SAFB2: variants seen among roughly 807,000 people sequenced by gnomAD.
SAFB2 encodes scaffold attachment factor B2.
SAFB2 carries 32 observed loss-of-function variants against 100.6 expected under a neutral mutation model. That is an observed-to-expected ratio of 0.32 (90% CI 0.24 to 0.43). The LOEUF (loss-of-function observed/expected upper bound fraction) is 0.43. SAFB2 is among the 20% of genes least tolerant of loss of function. The pLI, the probability that SAFB2 is intolerant of heterozygous loss-of-function variation, is 1.00. For missense variants in SAFB2, 1,185 were observed against 1,163.4 expected (o/e 1.02, Z -0.27); for synonymous variants, 500 against 439.4 (o/e 1.14, Z -1.72).
intron 16 of SAFB2, 55 bp downstream of exon 16, chr19:5,592,692 G>A (rs1043094351): frequency 1.9e-6 from 3 of 1,603,716 alleles, no homozygotes; most frequent in Non-Finnish European, 2.6e-6. Flanking sequence ...GAGGTCAGCT[G>A]GATGCCCCGG....
In SAFB2 at chr19:5,600,146, A is replaced by G. The variant is rs1305117704; in HGVS notation, c.1674T>C (p.Ser558=). ...TCTCCTCACCTGATTTGGTGACTCT[A>G]GACCGATTTGTAGGTCCGGGTTTCA... ...DELKPGPTNR[S]RVTKSGSRGM... Residue 558 remains serine, a synonymous_variant, in exon 12 of 21, where the codon TCT becomes TCC. Transcript: ENST00000252542. 1 of 1,614,032 alleles carries G rather than the reference A, an allele frequency of 6.2e-7. No individual in the cohort carries two copies. The highest frequency in any genetic ancestry group is 1.1e-5 in the South Asian group (1 of 91,060).
chr19:5,607,582 CAAG>C (rs1434618983), intron 9 of SAFB2, among the ~76,000 whole-genome samples: 2 of 152,150 alleles, frequency 1.3e-5, no homozygotes, highest in Non-Finnish European at 2.9e-5. Flanking sequence ...ACTCGACCCA[CAAG>C]AAGGCAGATA....
chr19:5,587,653 G>A lies in SAFB2; in HGVS notation c.2705+48C>T. The A allele has an allele frequency of 3.3e-6, 5 of 1,505,442 alleles. No homozygotes were observed. In the South Asian group the frequency reaches 6.3e-5, roughly 19 times the overall value. The allele number at this position is 1,505,442 out of a possible 1,614,324, so 93.3% of individuals were successfully genotyped here. A position where few individuals can be genotyped will look rare whatever the true frequency, so the allele number is the denominator to read the frequency against. ...CAAACATGCAAAAAAGGGAGAGGAAGTGAGGAGCAGGAGTGAACCACCGTC... is the reference window on the plus strand; with the variant it reads ...CAAACATGCAAAAAAGGGAGAGGAAATGAGGAGCAGGAGTGAACCACCGTC... On this transcript the variant is annotated intron_variant, in intron 20 of 20. Coordinates refer to ENST00000252542, the MANE Select transcript of SAFB2 (RefSeq NM_014649.3). This position sits in a 1 kb window ranked among gnomAD's most constrained non-coding sequence, Gnocchi z 4.9.
chr19:5,608,983 C>G (rs890172772), intron 9 of SAFB2, among the ~76,000 whole-genome samples: 1 of 133,352 alleles, frequency 7.5e-6, no homozygotes, highest in African/African-American at 2.8e-5. Context: ...GGGAGGGAGG[C>G]GGAGGCTGCA....
intron 11 of SAFB2, among the ~76,000 whole-genome samples, chr19:5,601,143 T>C (rs1178512468): frequency 2.0e-5 from 3 of 152,150 alleles, no homozygotes. Flanking sequence ...CATGGAGTTG[T>C]CTTTAAAAAA....
Position 5,616,409 on chromosome 19 carries a change from T to G in SAFB2, c.339+13A>C. The stretch of plus-strand genomic sequence containing the variant: ...GAGCTGCTGCTTGTCATCTCTACCC[T>G]GACATCACTTACCTGCCCGTCTCTG... On this transcript the variant is annotated intron_variant, in intron 3 of 20. Transcript: ENST00000252542. 6.2e-7 allele frequency: 1 copy of G among 1,614,030 alleles called. No individual in the cohort carries two copies. Among genetic ancestry groups the G allele is most frequent in the Non-Finnish European group, 8.5e-7 (1 of 1,179,970 alleles).
chr19:5,589,887 CGAG>C (rs2052351748), intron 18 of SAFB2, among the ~76,000 whole-genome samples: 1 of 152,078 alleles, frequency 6.6e-6, no homozygotes, highest in South Asian at 2.1e-4. Flanking sequence ...AGAAAAAACC[CGAG>C]GAAGACACGT....
intron 8 of SAFB2, 66 bp downstream of exon 8, chr19:5,610,572 TC>T: frequency 8.6e-7 from 1 of 1,160,564 alleles, no homozygotes; most frequent in Non-Finnish European, 1.3e-6. Context: ...TGTGTATATC[TC>T]CAGGCCCCTC....
In SAFB2 at chr19:5,593,755, C is replaced by T. The variant is rs1432369102; in HGVS notation, c.2207+136G>A. On this transcript the variant is annotated intron_variant, in intron 15 of 20. Transcript: ENST00000252542. ...CAGCGCAGTGAGATCGGCGGGGGGT[C>T]CCCAAGGCGCATGCTCCATATCAAA... The T allele has an allele frequency of 1.0e-5, 10 of 964,218 alleles. No individual in the cohort carries two copies. In the African/African-American group the frequency reaches 1.4e-4, roughly 13 times the overall value. 59.7% of individuals were successfully genotyped at this position (964,218 alleles called of 1,614,324 possible). A position where few individuals can be genotyped will look rare whatever the true frequency, so the allele number is the denominator to read the frequency against.
Position 5,619,919 on chromosome 19 carries a change from TAC to T in SAFB2, c.274+1388_274+1389del, listed in dbSNP as rs1277735313. ...ATTTTGAGTAGTAAGTCTTGAACTT[TAC>T]AGTTTTAAAATGAGCACCTACATAA... On this transcript the variant is annotated intron_variant, in intron 2 of 20. Transcript: ENST00000252542. Among the ~76,000 whole-genome samples, 4 of 152,216 alleles carry T rather than the reference TAC, an allele frequency of 2.6e-5. No individual in the cohort carries two copies. The South Asian group carries it at 6.2e-4, about 24-fold the overall frequency.
chr19:5,591,272 C>CT (rs1199975803), intron 17 of SAFB2: 5,043 of 118,118 alleles, frequency 0.043, 479 homozygotes, highest in African/African-American at 0.1. Context: ...AATATTTGCG[C>CT]TTTTTTTTTT....
At chr19:5,612,608 ACACG>A in intron 5 of SAFB2, 41 bp from the exon 6 acceptor site, 1 of 1,514,300 alleles carries the variant, frequency 6.6e-7, no homozygotes, top group South Asian at 1.1e-5. Flanking sequence ...GTCACTTTAA[ACACG>A]GGGCACATAC....
intron 2 of SAFB2, among the ~76,000 whole-genome samples, chr19:5,619,256 G>C (rs1220498046): frequency 6.6e-6 from 1 of 152,158 alleles, no homozygotes; most frequent in African/African-American, 2.4e-5. Flanking sequence ...TGGAAGATGA[G>C]GCCTGCAGGG....
chr19:5,596,226 G>A (rs1049230854), intron 13 of SAFB2, among the ~76,000 whole-genome samples: 1 of 152,266 alleles, frequency 6.6e-6, no homozygotes, highest in African/African-American at 2.4e-5. Context: ...TTGCGCCACT[G>A]TACTCCAGCC....
In SAFB2 at chr19:5,592,906, A is replaced by G. The variant is rs754786424; in HGVS notation, c.2208-19T>C. On this transcript the variant is annotated intron_variant, in intron 15 of 20. Transcript: ENST00000252542. ...ATCTCGTCTGTTGGTTTTTATTTTA[A>G]AAGAATACAAATTCCATTAATGAGA... 6.2e-7 allele frequency: 1 copy of G among 1,612,276 alleles called. No homozygotes were observed. The highest frequency in any genetic ancestry group is 2.2e-5 in the East Asian group (1 of 44,850).
intron 17 of SAFB2, among the ~76,000 whole-genome samples, chr19:5,590,650 C>A (rs1340910407): frequency 1.3e-5 from 2 of 152,304 alleles, no homozygotes; most frequent in East Asian, 3.9e-4. Context: ...AGCCAGGGCA[C>A]CCTGGCATTA....
chr19:5,590,254 C>T (rs570179163), intron 18 of SAFB2, 24 bp downstream of exon 18: 5 of 1,543,062 alleles, frequency 3.2e-6, no homozygotes, highest in Non-Finnish European at 4.4e-6. Flanking sequence ...ATGCTCCCCA[C>T]CCGGCTGGGG....
rs2053029728 is a variant in SAFB2, at chr19:5,616,332, C to T, written c.343G>A (p.Asp115Asn). ...AGGTTCTCCAGACTTGCTTCCATGT[C>T]CTCCTGTAAAGAGGAAGAAGAATCG... ...LEDDSRDGQE[D>N]MEASLENLQN... Residue 115 changes from aspartate (D) to asparagine (N), a missense_variant, in exon 4 of 21, where the codon GAC becomes AAC. This residue lies in a region of SAFB2 where 351 missense variants were observed against 341.2 expected (regional missense o/e 1.03). Coordinates refer to ENST00000252542, the MANE Select transcript of SAFB2 (RefSeq NM_014649.3). 3.7e-6 allele frequency: 6 copies of T among 1,614,178 alleles called. No individual in the cohort carries two copies. The highest frequency in any genetic ancestry group is 4.5e-5 in the East Asian group (2 of 44,884).
intron 14 of SAFB2, 62 bp from the exon 15 acceptor site, chr19:5,594,240 T>C: frequency 6.8e-7 from 1 of 1,472,852 alleles, no homozygotes; most frequent in South Asian, 1.4e-5. Context: ...GAAAGCCCGG[T>C]GCCCAAAACT....
Sources: gnomAD v4.1 joint callset for allele counts (sites outside exome capture counted in the v4.1 genomes callset) on GRCh38, gnomAD v4.1.1 for gene constraint, gnomAD v4.1.1 regional missense constraint, Gnocchi (gnomAD v3.1) non-coding constraint, MANE v1.5 for transcripts, NCBI Gene and HGNC (gene_info 2026-07-23, HGNC 2026-07-21) for gene names.